The following ELFN1 variants were observed in gnomAD, a reference collection of about 807,000 sequenced individuals.
ELFN1 encodes extracellular leucine rich repeat and fibronectin type III domain containing 1, also known as protein ELFN1.
Under a neutral mutation model 7.6 loss-of-function variants are expected in ELFN1, and 6 were observed. The ratio of observed to expected loss-of-function variants is 0.79; its 90% CI spans 0.43 to 1.56. ELFN1 has a LOEUF of 1.56. Ranked by LOEUF, ELFN1 falls within the 40% of genes most tolerant of loss-of-function variation. ELFN1 has a pLI of 0.01. For synonymous variants in ELFN1, 657 were observed against 588.1 expected, an observed-to-expected ratio of 1.12 and a Z score of -1.70; for missense variants, 1,169 against 1,232.2, an observed-to-expected ratio of 0.95 and a Z score of 0.77.
chr7:1,738,218 G>T (rs1032695444), intron 3 of ELFN1, among the ~76,000 whole-genome samples: 1 of 152,192 alleles, frequency 6.6e-6, no homozygotes, highest in Non-Finnish European at 1.5e-5. Flanking sequence ...TGGTGCTCTT[G>T]TGGCTGCCCA....
At chr7:1,683,097 T>A (rs1779001636) in intron 1 of ELFN1, among the ~76,000 whole-genome samples, 3 of 152,192 alleles carry the variant, frequency 2.0e-5, no homozygotes. Context: ...TTTAAAGGTC[T>A]GTTATTTTCT....
In ELFN1 at chr7:1,744,958, G is replaced by C; in HGVS notation, c.362G>C (p.Arg121Pro). ...CTGCAGCTGGGCTACAACCGGCTGC[G>C]CAACCTCACGGAGGGCATGCTGCGC... Reference protein sequence around the residue: ...QVLQLGYNRLRNLTEGMLRGL... With the variant: ...QVLQLGYNRLPNLTEGMLRGL... Residue 121 changes from arginine to proline, a missense_variant, in exon 4 of 4, where the codon CGC becomes CCC. Physicochemically the swap from Arg to Pro is moderately radical, Grantham distance 103. Around this residue, in one of 2 missense-constraint regions of ELFN1, gnomAD observed 255 missense variants for 359.6 expected, o/e 0.71. Coordinates refer to ENST00000424383, the MANE Select transcript of ELFN1 (RefSeq NM_001128636.4). 1 of 1,551,308 alleles carries C rather than the reference G, an allele frequency of 6.4e-7. No individual in the cohort carries two copies. Among genetic ancestry groups the C allele is most frequent in the Non-Finnish European group, 8.7e-7 (1 of 1,147,060 alleles).
rs888736310 is a variant in ELFN1 at position 1,693,226 on chromosome 7, C to T, written c.-456+5076C>T. ...CAGGCCCTGGAGATGTTCATGGCCGCGTGGACACCTTAAGAGTCCAGCAGA... is the reference window on the plus strand; with the variant it reads ...CAGGCCCTGGAGATGTTCATGGCCGTGTGGACACCTTAAGAGTCCAGCAGA... On this transcript the variant is annotated intron_variant, in intron 2 of 3. Transcript: ENST00000424383. The T allele has an allele frequency of 1.8e-4, 72 of 408,470 alleles. 1 individual carries two copies. The highest frequency in any genetic ancestry group is 1.2e-3 in the African/African-American group (61 of 49,044). 25.3% of individuals were successfully genotyped at this position (408,470 alleles called of 1,614,324 possible). A position where few individuals can be genotyped will look rare whatever the true frequency, so the allele number is the denominator to read the frequency against.
At chr7:1,701,455 A>G in intron 2 of ELFN1, among the ~76,000 whole-genome samples, 1 of 152,156 alleles carries the variant, frequency 6.6e-6, no homozygotes, top group South Asian at 2.1e-4. Context: ...TTATGTAGTA[A>G]TATTTATCAA....
rs1056629823 is a variant in ELFN1 at position 1,740,034 on chromosome 7, C to T, written c.-293-4270C>T. Among the ~76,000 whole-genome samples, 1 of 152,206 alleles carries T rather than the reference C, an allele frequency of 6.6e-6. No individual in the cohort carries two copies. Among genetic ancestry groups the T allele is most frequent in the Non-Finnish European group, 1.5e-5 (1 of 68,028 alleles). The stretch of plus-strand genomic sequence containing the variant: ...TGGCACTCCAGAGCCACAGGGGACC[C>T]GTGGCCACCCTGTTGGACAGCGCAA... On this transcript the variant is annotated intron_variant, in intron 3 of 3. Transcript: ENST00000424383. The surrounding 1 kb of genome is among the most constrained non-coding windows in gnomAD (Gnocchi z 5.0).
Position 1,675,059 on chromosome 7 carries a change from G to GGGCTCAGCTGGGAA in ELFN1, c.-549+4705_-549+4706insGGCTCAGCTGGGAA, listed in dbSNP as rs1778842323. 9.7e-5 allele frequency among the ~76,000 whole-genome samples: 5 copies of GGGCTCAGCTGGGAA among 51,428 alleles called. No individual in the cohort carries two copies. In the South Asian group the frequency reaches 2.3e-3, roughly 24 times the overall value. The allele number at this position is 51,428 out of a possible 152,430, so 33.7% of individuals were successfully genotyped here. ...ACCTCATATCCGGGCTCAGCTGGGA[G>GGGCTCAGCTGGGAA]AGTGCCCTGGCCTTACCGACGGGGA... On this transcript the variant is annotated intron_variant, in intron 1 of 3. Coordinates refer to ENST00000424383, the MANE Select transcript of ELFN1 (RefSeq NM_001128636.4).
At chr7:1,725,875 AC>A (rs1780179026) in intron 3 of ELFN1, among the ~76,000 whole-genome samples, 1 of 151,992 alleles carries the variant, frequency 6.6e-6, no homozygotes, top group Non-Finnish European at 1.5e-5. Context: ...ACACACTCGC[AC>A]AAAAATCACA....
chr7:1,680,636 A>G (rs949642370), intron 1 of ELFN1, among the ~76,000 whole-genome samples: 3 of 152,032 alleles, frequency 2.0e-5, no homozygotes, highest in African/African-American at 7.2e-5. Flanking sequence ...GCACAACCAT[A>G]ACTACATACC....
chr7:1,711,699 T>C (rs114640240), intron 3 of ELFN1, among the ~76,000 whole-genome samples: 4,071 of 152,198 alleles, frequency 0.027, 176 homozygotes, highest in African/African-American at 0.092. Flanking sequence ...TCATCCAGTC[T>C]GTGCTGATCC....
chr7:1,742,579 G>A (rs555754981), intron 3 of ELFN1, among the ~76,000 whole-genome samples: 6 of 152,328 alleles, frequency 3.9e-5, no homozygotes, highest in Middle Eastern at 3.4e-3. Flanking sequence ...CATCCAACCG[G>A]ACCACGTGGG....
Position 1,746,608 on chromosome 7 carries a change from A to G in ELFN1, c.2012A>G (p.Glu671Gly). The G allele has an allele frequency of 7.4e-7, 1 of 1,349,538 alleles. No homozygotes were observed. The highest frequency in any genetic ancestry group is 9.5e-7 in the Non-Finnish European group (1 of 1,055,162). The allele number at this position is 1,349,538 out of a possible 1,614,324, so 83.6% of individuals were successfully genotyped here. The part of the protein sequence containing the change: ...KAAAAEAKYI[E>G]KGSPAADAIL... Reference sequence around the variant, plus strand: ...GCGGCCGCCGAGGCCAAGTACATCGAGAAGGGCTCCCCCGCGGCCGACGCC... The same window carrying G: ...GCGGCCGCCGAGGCCAAGTACATCGGGAAGGGCTCCCCCGCGGCCGACGCC... Residue 671 changes from glutamate (E) to glycine (G), a missense_variant, in exon 4 of 4, where the codon GAG (glutamate) becomes GGG (glycine). Around this residue, in one of 2 missense-constraint regions of ELFN1, gnomAD observed 914 missense variants for 872.6 expected, o/e 1.05. Coordinates refer to ENST00000424383, the MANE Select transcript of ELFN1 (RefSeq NM_001128636.4).
At chr7:1,703,528 T>C (rs1423319133) in intron 2 of ELFN1, among the ~76,000 whole-genome samples, 1 of 152,212 alleles carries the variant, frequency 6.6e-6, no homozygotes, top group Non-Finnish European at 1.5e-5. Context: ...TTTAACTGCT[T>C]ACCCCGTCTG....
chr7:1,710,655 T>C (rs1486834470), intron 3 of ELFN1, among the ~76,000 whole-genome samples: 3 of 152,188 alleles, frequency 2.0e-5, no homozygotes, highest in East Asian at 3.9e-4. Flanking sequence ...ATCGGGGCCA[T>C]AGGTCTCCTC....
Position 1,695,472 on chromosome 7 carries a change from G to A in ELFN1, c.-456+7322G>A, listed in dbSNP as rs754734380. Among the ~76,000 whole-genome samples, 12 of 152,184 alleles carry A rather than the reference G, an allele frequency of 7.9e-5. No homozygotes were observed. Among genetic ancestry groups the A allele is most frequent in the Non-Finnish European group, 1.5e-4 (10 of 68,022 alleles). The stretch of plus-strand genomic sequence containing the variant: ...CACTTTGAAAACTGTGCAGCCGTGC[G>A]CGGCCACTCACACCTGTAATTCCAG... On this transcript the variant is annotated intron_variant, in intron 2 of 3. Transcript: ENST00000424383. The surrounding 1 kb of genome is among the most constrained non-coding windows in gnomAD (Gnocchi z 5.1).
At chr7:1,680,737 ATTTT>A (rs967183963) in intron 1 of ELFN1, among the ~76,000 whole-genome samples, 1 of 128,922 alleles carries the variant, frequency 7.8e-6, no homozygotes. Context: ...TGGATTTACA[ATTTT>A]TTTTTTTTTT....
chr7:1,696,324 G>C (rs1779311146), intron 2 of ELFN1, among the ~76,000 whole-genome samples: 1 of 151,596 alleles, frequency 6.6e-6, no homozygotes. Flanking sequence ...GGGAGAGATG[G>C]AGAGAGAGAG....
intron 3 of ELFN1, among the ~76,000 whole-genome samples, chr7:1,726,318 C>G (rs1409855199): frequency 2.0e-5 from 3 of 152,240 alleles, no homozygotes; most frequent in Middle Eastern, 3.2e-3. Flanking sequence ...TGCACCGTGC[C>G]TCTCCAAACC....
rs535169494 is a variant in ELFN1, at chr7:1,687,417, A to T, written c.-548-641A>T. Among the ~76,000 whole-genome samples the T allele has an allele frequency of 9.7e-4, 147 of 152,126 alleles. 4 individuals carry two copies. In the South Asian group the frequency reaches 0.03, roughly 31 times the overall value. ...ATTCCATGAAGTACCACAAAGTGAA[A>T]TTTATGTAGGAACCATCTAGCTCAA... On this transcript the variant is annotated intron_variant, in intron 1 of 3. Transcript: ENST00000424383.
chr7:1,743,689 G>A (rs558399406), intron 3 of ELFN1, among the ~76,000 whole-genome samples: 374 of 152,300 alleles, frequency 2.5e-3, no homozygotes, highest in African/African-American at 8.7e-3. Flanking sequence ...AGGAGCCCGC[G>A]CCCCGGAAGG....
Sources: gnomAD v4.1 joint callset for allele counts (sites outside exome capture counted in the v4.1 genomes callset) on GRCh38, gnomAD v4.1.1 for gene constraint, gnomAD v4.1.1 regional missense constraint, Gnocchi (gnomAD v3.1) non-coding constraint, MANE v1.5 for transcripts, NCBI Gene and HGNC (gene_info 2026-07-23, HGNC 2026-07-21) for gene names.